Variants in RNF152 observed in about 807,000 individuals in gnomAD.
RNF152 encodes ring finger protein 152, also known as E3 ubiquitin-protein ligase RNF152.
A neutral mutation model predicts 12.7 loss-of-function variants in RNF152; 11 were observed. The observed-to-expected ratio is 0.86, with a 90% confidence interval of 0.54 to 1.43. The LOEUF (loss-of-function observed/expected upper bound fraction) is 1.43, where lower values mean the gene tolerates loss of function less well. Among genes scored for constraint, RNF152 ranks in the 40% most tolerant of loss-of-function variants. RNF152 has a pLI of 0.00. For missense variants in RNF152, 255 were observed against 274.8 expected (o/e 0.93, Z 0.51); for synonymous variants, 113 against 120.3 (o/e 0.94, Z 0.40).
At chr18:61,894,244 A>T (rs1395821215), upstream of RNF152, 1 of 149,904 alleles carries the variant, frequency 6.7e-6, no homozygotes, top group Non-Finnish European at 1.5e-5. The surrounding 1 kb of genome is among the most constrained non-coding windows in gnomAD (Gnocchi z 4.9). Flanking sequence ...CCTTTCAGCC[A>T]GACTCGCGCC....
intron 1 of RNF152, among the ~76,000 whole-genome samples, chr18:61,864,381 G>T (rs1008023140): frequency 6.6e-6 from 1 of 152,182 alleles, no homozygotes; most frequent in Non-Finnish European, 1.5e-5. Context: ...GCTATTACTG[G>T]TTTATGATAA....
chr18:61,891,247 C>T (rs1568070178), intron 1 of RNF152, among the ~76,000 whole-genome samples: 2 of 152,122 alleles, frequency 1.3e-5, no homozygotes, highest in African/African-American at 4.8e-5. Context: ...TGGGGAGCCT[C>T]CTTCTTATAT....
At chr18:61,830,781 C>A (rs1164762470) in intron 1 of RNF152, among the ~76,000 whole-genome samples, 1 of 151,880 alleles carries the variant, frequency 6.6e-6, no homozygotes, top group East Asian at 1.9e-4. Context: ...TAGAAAAGAT[C>A]CCTGATTTCT....
chr18:61,852,574 C>T (rs949197158), intron 1 of RNF152, among the ~76,000 whole-genome samples: 1 of 152,220 alleles, frequency 6.6e-6, no homozygotes, highest in African/African-American at 2.4e-5. Context: ...CAAAGAGAAA[C>T]TGATTTATAA....
chr18:61,879,493 T>C (rs560435911), intron 1 of RNF152, among the ~76,000 whole-genome samples: 2 of 152,236 alleles, frequency 1.3e-5, no homozygotes, highest in South Asian at 2.1e-4. Flanking sequence ...ATGGTACTTA[T>C]AGCTTTCCAT....
At chr18:61,823,352 G>A (rs1369897955) in intron 1 of RNF152, among the ~76,000 whole-genome samples, 3 of 152,222 alleles carry the variant, frequency 2.0e-5, no homozygotes, top group African/African-American at 7.2e-5. Context: ...CTGGAATGCA[G>A]TGGTGCAATC....
chr18:61,823,093 T>C (rs1242502669), intron 1 of RNF152, among the ~76,000 whole-genome samples: 1 of 152,204 alleles, frequency 6.6e-6, no homozygotes, highest in Non-Finnish European at 1.5e-5. Flanking sequence ...CAAAGAGCAA[T>C]CCTTCCAGGA....
At chr18:61,880,902 T>C (rs1421663250) in intron 1 of RNF152, among the ~76,000 whole-genome samples, 5 of 149,034 alleles carry the variant, frequency 3.4e-5, no homozygotes, top group African/African-American at 1.0e-4. Context: ...TGTCTTTCTC[T>C]CTCTAGTTTT....
At chr18:61,835,313 G>C (rs1910129839) in intron 1 of RNF152, among the ~76,000 whole-genome samples, 1 of 152,212 alleles carries the variant, frequency 6.6e-6, no homozygotes, top group Non-Finnish European at 1.5e-5. Flanking sequence ...CTGATGGAGT[G>C]GTATGTGTTT....
At chr18:61,880,195 C>T (rs777862867) in intron 1 of RNF152, among the ~76,000 whole-genome samples, 36 of 152,144 alleles carry the variant, frequency 2.4e-4, no homozygotes, top group Admixed American at 4.6e-4. Flanking sequence ...CCCAACAAAA[C>T]TTGACACCCA....
At chr18:61,868,554 T>C (rs1254575983) in intron 1 of RNF152, among the ~76,000 whole-genome samples, 3 of 151,958 alleles carry the variant, frequency 2.0e-5, no homozygotes. Flanking sequence ...ACTACAAAAA[T>C]TAGCCGGGCG....
At chr18:61,868,206 A>G (rs1402127855) in intron 1 of RNF152, among the ~76,000 whole-genome samples, 1 of 152,232 alleles carries the variant, frequency 6.6e-6, no homozygotes, top group African/African-American at 2.4e-5. Context: ...GACTTACAGC[A>G]TATATCTGTG....
At chr18:61,867,636 A>T (rs1911801288) in intron 1 of RNF152, among the ~76,000 whole-genome samples, 1 of 152,090 alleles carries the variant, frequency 6.6e-6, no homozygotes, top group African/African-American at 2.4e-5. Flanking sequence ...GGCAACCCCC[A>T]ACCCAGGGTG....
intron 1 of RNF152, among the ~76,000 whole-genome samples, chr18:61,858,954 A>G (rs971883385): frequency 6.6e-6 from 1 of 152,192 alleles, no homozygotes; most frequent in African/African-American, 2.4e-5. Context: ...TATAAATCAT[A>G]TTTGGGGAAA....
intron 1 of RNF152, among the ~76,000 whole-genome samples, chr18:61,885,310 T>TTTG (rs1555707958): frequency 6.6e-6 from 1 of 151,184 alleles, no homozygotes; most frequent in Non-Finnish European, 1.5e-5. Context: ...ACTGAGAGTG[T>TTTG]TTTGTTTGTT....
intron 1 of RNF152, among the ~76,000 whole-genome samples, chr18:61,831,733 TAGAA>T (rs1909960133): frequency 6.6e-6 from 1 of 152,052 alleles, no homozygotes; most frequent in Admixed American, 6.6e-5. Context: ...CTATGTCAGA[TAGAA>T]AGCAATAATT....
At chr18:61,860,327 G>A (rs144331352) in intron 1 of RNF152, among the ~76,000 whole-genome samples, 23 of 152,292 alleles carry the variant, frequency 1.5e-4, no homozygotes, top group African/African-American at 4.6e-4. Flanking sequence ...AAACCCTCCC[G>A]ATTCAGAAGC....
At chr18:61,886,980 C>T (rs912739515) in intron 1 of RNF152, among the ~76,000 whole-genome samples, 1 of 151,946 alleles carries the variant, frequency 6.6e-6, no homozygotes, top group Non-Finnish European at 1.5e-5. Context: ...ACTGAGGCTT[C>T]GATGATAGGA....
intron 1 of RNF152, among the ~76,000 whole-genome samples, chr18:61,864,298 C>T (rs912869525): frequency 6.6e-6 from 1 of 152,292 alleles, no homozygotes; most frequent in East Asian, 1.9e-4. Context: ...ACCCCCTCTC[C>T]GGTTTAGTAA....
Sources: allele counts gnomAD v4.1 joint callset (sites outside exome capture counted in the v4.1 genomes callset), GRCh38; gene constraint gnomAD v4.1.1; non-coding constraint Gnocchi (gnomAD v3.1); transcripts MANE v1.5; gene names NCBI Gene and HGNC (gene_info 2026-07-23, HGNC 2026-07-21).